LY96: variants seen among roughly 807,000 people sequenced by gnomAD.
LY96 encodes the protein myeloid differentiation protein-2.
LY96 carries 18 observed loss-of-function variants against 18.9 expected under a neutral mutation model. The ratio of observed to expected loss-of-function variants is 0.95; its 90% CI spans 0.66 to 1.41. The LOEUF is 1.41. LY96 is among the 40% of genes most tolerant of loss of function. The pLI is 0.00. For missense variants in LY96, 175 were observed against 182.4 expected, an observed-to-expected ratio of 0.96 and a Z score of 0.23; for synonymous variants, 66 against 62.6, an observed-to-expected ratio of 1.06 and a Z score of -0.26.
At chr8:74,089,927 A>G in the LY96 span, among the ~76,000 whole-genome samples, 654 of 151,700 alleles carry the variant, frequency 4.3e-3, 4 homozygotes, top group Non-Finnish European at 7.5e-3. Flanking sequence ...TAAGTTTGAG[A>G]AAGAGTGGGG....
chr8:74,042,696 A>G, the LY96 span, among the ~76,000 whole-genome samples: 87 of 152,314 alleles, frequency 5.7e-4, 1 homozygote, highest in East Asian at 8.7e-3. Flanking sequence ...CTGTTTGTAC[A>G]GAGGTCTAGG....
the LY96 span, among the ~76,000 whole-genome samples, chr8:74,043,146 C>T: frequency 1.3e-5 from 2 of 152,156 alleles, no homozygotes; most frequent in Non-Finnish European, 2.9e-5. Flanking sequence ...TGTCATTCAC[C>T]AACGCTTAAT....
chr8:74,076,526 C>T, the LY96 span, among the ~76,000 whole-genome samples: 4 of 151,908 alleles, frequency 2.6e-5, no homozygotes, highest in Non-Finnish European at 4.4e-5. Flanking sequence ...GGTTTCACCA[C>T]GTTGGCCAGG....
At chr8:74,089,860 G>C in the LY96 span, among the ~76,000 whole-genome samples, 18 of 152,134 alleles carry the variant, frequency 1.2e-4, no homozygotes. Context: ...GACCTTGAGG[G>C]AGTGTGTCAT....
chr8:74,058,802 G>C, the LY96 span, among the ~76,000 whole-genome samples: 123 of 152,244 alleles, frequency 8.1e-4, no homozygotes, highest in Non-Finnish European at 1.4e-3. Context: ...TTACAGGCAT[G>C]AGCTACTGTG....
chr8:73,994,641 C>G (rs1816084313), intron 1 of LY96, among the ~76,000 whole-genome samples: 1 of 152,156 alleles, frequency 6.6e-6, no homozygotes, highest in African/African-American at 2.4e-5. Flanking sequence ...CGTGCACCAC[C>G]ATGTCTGGCT....
chr8:73,997,400 C>T (rs1816172818), intron 1 of LY96, among the ~76,000 whole-genome samples: 1 of 152,190 alleles, frequency 6.6e-6, no homozygotes, highest in Non-Finnish European at 1.5e-5. Context: ...CCTCCCTCTG[C>T]TTCAGTTCTT....
chr8:74,021,705 A>T (rs1192574846), intron 3 of LY96, among the ~76,000 whole-genome samples: 1 of 152,218 alleles, frequency 6.6e-6, no homozygotes. Flanking sequence ...GATTAAGAAA[A>T]TGTGGCACAT....
chr8:74,065,853 G>A, the LY96 span, among the ~76,000 whole-genome samples: 1 of 152,230 alleles, frequency 6.6e-6, no homozygotes, highest in African/African-American at 2.4e-5. Context: ...TCTGGGAATG[G>A]AGGAATGCTC....
the LY96 span, among the ~76,000 whole-genome samples, chr8:74,034,761 T>C: frequency 8.5e-5 from 13 of 152,328 alleles, no homozygotes; most frequent in East Asian, 2.5e-3. Flanking sequence ...GCTAAGACTA[T>C]ACAAACACCC....
the LY96 span, among the ~76,000 whole-genome samples, chr8:74,088,772 C>T: frequency 6.6e-6 from 1 of 151,990 alleles, no homozygotes; most frequent in African/African-American, 2.4e-5. Flanking sequence ...TTTTAGTAGA[C>T]ATGGGGTTTC....
At chr8:74,016,607 A>T (rs1816647234) in intron 3 of LY96, among the ~76,000 whole-genome samples, 1 of 152,188 alleles carries the variant, frequency 6.6e-6, no homozygotes, top group East Asian at 1.9e-4. Flanking sequence ...GACACCTCCT[A>T]GTAGGGGCTT....
chr8:74,049,622 A>C, the LY96 span, among the ~76,000 whole-genome samples: 1 of 152,216 alleles, frequency 6.6e-6, no homozygotes, highest in Non-Finnish European at 1.5e-5. Context: ...ACACCCAGGG[A>C]CTTGCTTGCT....
chr8:74,023,389 T>G (rs909140537), intron 3 of LY96, among the ~76,000 whole-genome samples: 1 of 152,130 alleles, frequency 6.6e-6, no homozygotes, highest in Admixed American at 6.5e-5. Flanking sequence ...ACAGGTAGTG[T>G]GTGGAGGTAT....
At chr8:74,071,786 T>C in the LY96 span, among the ~76,000 whole-genome samples, 2 of 152,224 alleles carry the variant, frequency 1.3e-5, no homozygotes, top group Admixed American at 1.3e-4. Flanking sequence ...AGTTATCTGT[T>C]TCTTGCCTTT....
chr8:74,091,928 G>A, the LY96 span, among the ~76,000 whole-genome samples: 2 of 152,126 alleles, frequency 1.3e-5, no homozygotes, highest in East Asian at 1.9e-4. Flanking sequence ...GTAGCTCCTG[G>A]ATCTCAGGCA....
At chr8:74,062,406 C>A in the LY96 span, among the ~76,000 whole-genome samples, 1 of 151,674 alleles carries the variant, frequency 6.6e-6, no homozygotes, top group African/African-American at 2.4e-5. Flanking sequence ...GCACCCCAAC[C>A]CCGGACAGGC....
the LY96 span, among the ~76,000 whole-genome samples, chr8:74,035,961 T>C: frequency 6.6e-6 from 1 of 152,220 alleles, no homozygotes; most frequent in Non-Finnish European, 1.5e-5. Context: ...AAAAGCAAGC[T>C]GTATCCTGAT....
chr8:74,016,902 A>T (rs1419912161), intron 3 of LY96, among the ~76,000 whole-genome samples: 1 of 152,232 alleles, frequency 6.6e-6, no homozygotes, highest in East Asian at 1.9e-4. Context: ...TCTGTAGGTC[A>T]CCATCATCAA....
Sources: allele counts gnomAD v4.1 joint callset (sites outside exome capture counted in the v4.1 genomes callset), GRCh38; gene constraint gnomAD v4.1.1; transcripts MANE v1.5; gene names NCBI Gene and HGNC (gene_info 2026-07-23, HGNC 2026-07-21).